Variants in PRKAG2 observed in about 807,000 individuals in gnomAD.
PRKAG2 encodes the protein protein kinase AMP-activated non-catalytic subunit gamma 2.
In PRKAG2, 26 loss-of-function variants were observed where a neutral mutation model predicts 69.6. The observed-to-expected ratio is 0.37, with a 90% CI of 0.27 to 0.52. The LOEUF (loss-of-function observed/expected upper bound fraction) is 0.52. Ranked by LOEUF, PRKAG2 falls within the 20% of genes least tolerant of loss-of-function variation. The pLI is 0.90. For synonymous variants in PRKAG2, 293 were observed against 285.0 expected (o/e 1.03, Z -0.28); for missense variants, 557 against 740.0 (o/e 0.75, Z 2.87).
At chr7:151,845,856 CCA>C (rs1357101041) in intron 1 of PRKAG2, among the ~76,000 whole-genome samples, 6 of 152,216 alleles carry the variant, frequency 3.9e-5, no homozygotes, top group Non-Finnish European at 8.8e-5. Context: ...GCCATTAGCC[CCA>C]GAGTCTGCCG....
chr7:151,812,947 AC>A (rs1411912953), intron 1 of PRKAG2, among the ~76,000 whole-genome samples: 5 of 137,854 alleles, frequency 3.6e-5, no homozygotes, highest in African/African-American at 1.4e-4. Context: ...AAAAAAAAAA[AC>A]CACACACACA....
chr7:151,699,843 T>A lies in PRKAG2; in HGVS notation c.467-24206A>T, dbSNP rs986235874. ...TGGGGAGGTTCTTGATATAGGCTGG[T>A]CTTTAAGAAGGACTGGGACTAAGAT... On this transcript the variant is annotated intron_variant, in intron 3 of 15. Coordinates refer to ENST00000287878, the MANE Select transcript of PRKAG2 (RefSeq NM_016203.4). This position sits in a 1 kb window ranked among gnomAD's most constrained non-coding sequence, Gnocchi z 4.5. 2.6e-5 allele frequency among the ~76,000 whole-genome samples: 4 copies of A among 152,178 alleles called. No individual in the cohort carries two copies. The highest frequency in any genetic ancestry group is 9.6e-5 in the African/African-American group (4 of 41,498).
At chr7:151,732,804 T>TGTCTCAGC (rs1447474795) in intron 3 of PRKAG2, among the ~76,000 whole-genome samples, 2 of 152,194 alleles carry the variant, frequency 1.3e-5, no homozygotes, top group Non-Finnish European at 2.9e-5. Context: ...GCAATTCTCC[T>TGTCTCAGC]GTCTCAGCCT....
At chr7:151,580,001 T>G (rs368882314) in intron 6 of PRKAG2, among the ~76,000 whole-genome samples, 3 of 152,318 alleles carry the variant, frequency 2.0e-5, no homozygotes, top group Admixed American at 2.0e-4. Flanking sequence ...TAAGGTTTTT[T>G]GGATTAAAAA....
chr7:151,770,016 A>G (rs988596114), intron 3 of PRKAG2, among the ~76,000 whole-genome samples: 1 of 152,204 alleles, frequency 6.6e-6, no homozygotes, highest in Non-Finnish European at 1.5e-5. Flanking sequence ...CCCGGCCATA[A>G]TGGGATGAGA....
intron 1 of PRKAG2, among the ~76,000 whole-genome samples, chr7:151,813,487 G>A (rs2078528683): frequency 8.6e-6 from 1 of 115,630 alleles, no homozygotes; most frequent in African/African-American, 3.0e-5. Flanking sequence ...GAAGGCGATT[G>A]TAAGGAAAAA....
intron 10 of PRKAG2, among the ~76,000 whole-genome samples, chr7:151,569,153 G>A (rs2151010223): frequency 6.6e-6 from 1 of 152,246 alleles, no homozygotes; most frequent in South Asian, 2.1e-4. Context: ...GGGCTCAGGT[G>A]ATCCTCCCAC....
intron 1 of PRKAG2, among the ~76,000 whole-genome samples, chr7:151,837,851 C>A (rs913726431): frequency 2.0e-5 from 3 of 152,178 alleles, no homozygotes; most frequent in East Asian, 1.9e-4. Flanking sequence ...AGAGTTCCCG[C>A]CCCCTGCAAC....
intron 13 of PRKAG2, among the ~76,000 whole-genome samples, 160 bp downstream of exon 13, chr7:151,565,186 A>G (rs1035966245): frequency 4.6e-5 from 7 of 152,258 alleles, no homozygotes; most frequent in African/African-American, 1.7e-4. Flanking sequence ...GATTAAAAGT[A>G]CAATTACTAT....
At chr7:151,860,259 C>T (rs1246383631) in intron 1 of PRKAG2, among the ~76,000 whole-genome samples, 1 of 152,210 alleles carries the variant, frequency 6.6e-6, no homozygotes, top group East Asian at 1.9e-4. Flanking sequence ...CAGGACAGGC[C>T]CTCGGACAGG....
chr7:151,775,273 C>T (rs763985212), intron 3 of PRKAG2, among the ~76,000 whole-genome samples: 9 of 152,186 alleles, frequency 5.9e-5, no homozygotes, highest in East Asian at 1.9e-4. Context: ...CCCCCCACCC[C>T]GCCCTGATTG....
chr7:151,638,271 TGGA>T lies in PRKAG2; in HGVS notation c.685-6136_685-6134del, dbSNP rs1826067275. Among the ~76,000 whole-genome samples the T allele has an allele frequency of 3.3e-5, 5 of 152,154 alleles. No individual in the cohort carries two copies. Among genetic ancestry groups the T allele is most frequent in the African/African-American group, 1.2e-4 (5 of 41,424 alleles). On this transcript the variant is annotated intron_variant, in intron 4 of 15. Transcript: ENST00000287878. The surrounding 1 kb of genome is among the most constrained non-coding windows in gnomAD (Gnocchi z 4.3). The stretch of plus-strand genomic sequence containing the variant: ...TGGGAGGGAACAGAGGGACCCAAGT[TGGA>T]CTTTATGGAGAGAATGCCTGAGAAA...
intron 4 of PRKAG2, among the ~76,000 whole-genome samples, chr7:151,650,162 C>T (rs1020161839): frequency 1.3e-5 from 2 of 152,116 alleles, no homozygotes; most frequent in East Asian, 1.9e-4. Flanking sequence ...CTGCAGTGAG[C>T]TGTGATCACA....
intron 5 of PRKAG2, among the ~76,000 whole-genome samples, chr7:151,603,670 C>G (rs1816788099): frequency 6.6e-6 from 1 of 152,164 alleles, no homozygotes; most frequent in Non-Finnish European, 1.5e-5. Context: ...GGTACACATG[C>G]CTTCTCATCC....
At chr7:151,812,873 C>T (rs1039211385) in intron 1 of PRKAG2, among the ~76,000 whole-genome samples, 1 of 152,040 alleles carries the variant, frequency 6.6e-6, no homozygotes, top group Non-Finnish European at 1.5e-5. Context: ...TGAATTTAAC[C>T]ACTGAACCCT....
At chr7:151,720,603 C>G (rs7793421) in intron 3 of PRKAG2, among the ~76,000 whole-genome samples, 4,849 of 144,906 alleles carry the variant, frequency 0.033, 290 homozygotes, top group African/African-American at 0.12. Flanking sequence ...GCTCCAGAGC[C>G]CGTCCAGATG....
At chr7:151,560,437 G>A in intron 15 of PRKAG2, 87 bp downstream of exon 15, 1 of 1,611,830 alleles carries the variant, frequency 6.2e-7, no homozygotes, top group African/African-American at 1.3e-5. Flanking sequence ...GGTGGGTGGA[G>A]AAATGATGGT....
chr7:151,640,775 A>G (rs1389421822), intron 4 of PRKAG2, among the ~76,000 whole-genome samples: 1 of 151,824 alleles, frequency 6.6e-6, no homozygotes, highest in East Asian at 1.9e-4. Flanking sequence ...CTGGCTTGGG[A>G]TTTACTTTTC....
chr7:151,692,166 C>T (rs549902854), intron 3 of PRKAG2, among the ~76,000 whole-genome samples: 14 of 151,342 alleles, frequency 9.3e-5, no homozygotes, highest in South Asian at 2.1e-4. Flanking sequence ...ACAGCCTGGG[C>T]GACAAAGTGA....
Sources: allele counts gnomAD v4.1 joint callset (sites outside exome capture counted in the v4.1 genomes callset), GRCh38; gene constraint gnomAD v4.1.1; non-coding constraint Gnocchi (gnomAD v3.1); transcripts MANE v1.5; gene names NCBI Gene and HGNC (gene_info 2026-07-23, HGNC 2026-07-21).